Variants in ZNF704 observed in about 807,000 individuals in gnomAD.
ZNF704 encodes the protein glucocorticoid induced gene 1.
In ZNF704, 10 loss-of-function variants were observed where a neutral mutation model predicts 44.7. That is an observed-to-expected ratio of 0.22 (90% CI 0.14 to 0.38). ZNF704 has a LOEUF of 0.38. Ranked by LOEUF, ZNF704 falls within the 10% of genes least tolerant of loss-of-function variation. The pLI is 1.00. For missense variants in ZNF704, 390 were observed against 545.5 expected, an observed-to-expected ratio of 0.71 and a Z score of 2.84; for synonymous variants, 211 against 207.6, an observed-to-expected ratio of 1.02 and a Z score of -0.14.
At chr8:80,747,512 A>G (rs1363110586) in intron 2 of ZNF704, among the ~76,000 whole-genome samples, 1 of 152,104 alleles carries the variant, frequency 6.6e-6, no homozygotes, top group Non-Finnish European at 1.5e-5. Flanking sequence ...TTAGTAAATT[A>G]CTCTTTCCAA....
chr8:80,797,945 C>G (rs887357375), intron 2 of ZNF704, among the ~76,000 whole-genome samples: 10 of 152,126 alleles, frequency 6.6e-5, no homozygotes, highest in African/African-American at 2.4e-4. Context: ...ATTTTTCCCT[C>G]TCACAGCTTA....
chr8:80,679,393 T>C (rs1035660970), intron 4 of ZNF704, among the ~76,000 whole-genome samples: 2 of 148,644 alleles, frequency 1.3e-5, no homozygotes, highest in African/African-American at 5.2e-5. Context: ...CATGAAAAAA[T>C]AGCTAAATAA....
chr8:80,710,755 T>C (rs1585972666), intron 2 of ZNF704, among the ~76,000 whole-genome samples: 1 of 152,316 alleles, frequency 6.6e-6, no homozygotes, highest in African/African-American at 2.4e-5. Flanking sequence ...ATCTTGGACT[T>C]CCCTGCCTCT....
intron 4 of ZNF704, among the ~76,000 whole-genome samples, chr8:80,681,403 T>A (rs940186033): frequency 6.6e-6 from 1 of 152,224 alleles, no homozygotes; most frequent in Non-Finnish European, 1.5e-5. Context: ...ACACACTGTA[T>A]AATTCCATTT....
intron 2 of ZNF704, among the ~76,000 whole-genome samples, chr8:80,786,343 G>A (rs1586026610): frequency 6.6e-6 from 1 of 152,138 alleles, no homozygotes; most frequent in African/African-American, 2.4e-5. Context: ...CAGCTATCTG[G>A]ACAACCCTAA....
At chr8:80,641,622 C>T (rs113410521) in intron 8 of ZNF704, 145 bp from the exon 9 acceptor site, 23,643 of 475,618 alleles carry the variant, frequency 0.05, 803 homozygotes, top group Middle Eastern at 0.062. Flanking sequence ...AATCCCAGCA[C>T]TTTGGGAGGC....
chr8:80,672,812 T>G (rs1818303246), intron 4 of ZNF704, among the ~76,000 whole-genome samples: 1 of 152,134 alleles, frequency 6.6e-6, no homozygotes, highest in Admixed American at 6.5e-5. Context: ...TATTGGGTAC[T>G]ATGTTCACTA....
intron 2 of ZNF704, among the ~76,000 whole-genome samples, chr8:80,738,804 T>G (rs188490212): frequency 2.0e-5 from 3 of 152,186 alleles, no homozygotes; most frequent in South Asian, 2.1e-4. Flanking sequence ...CAGATACTTA[T>G]TGGCTGAAAA....
chr8:80,857,113 T>C (rs1412396700), intron 1 of ZNF704, among the ~76,000 whole-genome samples: 1 of 152,188 alleles, frequency 6.6e-6, no homozygotes, highest in African/African-American at 2.4e-5. Context: ...TAAACGATAT[T>C]TGAAATCTCA....
chr8:80,775,588 T>C (rs936095130), intron 2 of ZNF704, among the ~76,000 whole-genome samples: 2 of 152,370 alleles, frequency 1.3e-5, no homozygotes, highest in Middle Eastern at 3.4e-3. Flanking sequence ...GTAAAAGTTT[T>C]AGAACAGTAA....
At chr8:80,725,850 T>C (rs948206285) in intron 2 of ZNF704, among the ~76,000 whole-genome samples, 1 of 152,204 alleles carries the variant, frequency 6.6e-6, no homozygotes, top group South Asian at 2.1e-4. Flanking sequence ...AAATTAAATA[T>C]ATACATTTAA....
chr8:80,796,526 C>T (rs913807020), intron 2 of ZNF704, among the ~76,000 whole-genome samples: 1 of 152,202 alleles, frequency 6.6e-6, no homozygotes, highest in Non-Finnish European at 1.5e-5. Context: ...CATGCCCTCC[C>T]CGCAAATAAA....
chr8:80,648,034 C>A (rs1817860370), intron 7 of ZNF704, among the ~76,000 whole-genome samples: 1 of 152,116 alleles, frequency 6.6e-6, no homozygotes, highest in South Asian at 2.1e-4. Context: ...CATCCCAGGG[C>A]AAAGGGTGGA....
At chr8:80,754,618 G>A (rs1807004086) in intron 2 of ZNF704, among the ~76,000 whole-genome samples, 1 of 152,184 alleles carries the variant, frequency 6.6e-6, no homozygotes, top group Non-Finnish European at 1.5e-5. Flanking sequence ...CTGACTTGCT[G>A]CCAAACAAAA....
chr8:80,756,514 C>T (rs79877420), intron 2 of ZNF704, among the ~76,000 whole-genome samples: 3,354 of 152,132 alleles, frequency 0.022, 133 homozygotes, highest in African/African-American at 0.077. Context: ...ATATACTGCC[C>T]CATAATATGG....
intron 4 of ZNF704, among the ~76,000 whole-genome samples, chr8:80,685,849 T>C (rs1563518343): frequency 6.6e-6 from 1 of 152,370 alleles, no homozygotes; most frequent in Middle Eastern, 3.4e-3. Flanking sequence ...CAATGCCATC[T>C]CTTTGTTTTC....
At chr8:80,776,248 C>T (rs1225928891) in intron 2 of ZNF704, among the ~76,000 whole-genome samples, 1 of 152,130 alleles carries the variant, frequency 6.6e-6, no homozygotes, top group African/African-American at 2.4e-5. Context: ...ATTACTGAAT[C>T]AATGGTATAA....
At chr8:80,828,089 C>G (rs7816013) in intron 1 of ZNF704, among the ~76,000 whole-genome samples, 1 of 151,916 alleles carries the variant, frequency 6.6e-6, no homozygotes, top group African/African-American at 2.4e-5. Flanking sequence ...TGGGATCTAA[C>G]TAAACTAAAG....
intron 2 of ZNF704, among the ~76,000 whole-genome samples, chr8:80,715,931 T>C (rs1819065741): frequency 6.6e-6 from 1 of 151,878 alleles, no homozygotes; most frequent in South Asian, 2.1e-4. Context: ...AATACAAAAA[T>C]TAGTTGGGCA....
Sources: gnomAD v4.1 joint callset for allele counts (sites outside exome capture counted in the v4.1 genomes callset) on GRCh38, gnomAD v4.1.1 for gene constraint, MANE v1.5 for transcripts, NCBI Gene and HGNC (gene_info 2026-07-23, HGNC 2026-07-21) for gene names.